MRAS: variants seen among roughly 807,000 people sequenced by gnomAD.
MRAS encodes the protein ras-related protein M-Ras.
In MRAS, 4 loss-of-function variants were observed where a neutral mutation model predicts 20.9. That is an observed-to-expected ratio of 0.19 (90% confidence interval 0.09 to 0.44). MRAS has a LOEUF of 0.44. Ranked by LOEUF, MRAS falls within the 20% of genes least tolerant of loss-of-function variation. The pLI is 0.99. For synonymous variants in MRAS, 98 were observed against 102.9 expected, an observed-to-expected ratio of 0.95 and a Z score of 0.29; for missense variants, 154 against 277.5, an observed-to-expected ratio of 0.56 and a Z score of 3.16.
At chr3:138,368,217 C>T (rs141229455) in intron 1 of MRAS, among the ~76,000 whole-genome samples, 220 of 152,228 alleles carry the variant, frequency 1.4e-3, no homozygotes, top group African/African-American at 4.9e-3. Context: ...GTTAACAGAG[C>T]AGAGATGGTG....
intron 1 of MRAS, among the ~76,000 whole-genome samples, chr3:138,351,341 G>C (rs1467039674): frequency 6.6e-6 from 1 of 152,236 alleles, no homozygotes; most frequent in African/African-American, 2.4e-5. Flanking sequence ...TAAGTGTCCA[G>C]AGGATGTGCA....
chr3:138,383,324 ATTG>A (rs1369292371), intron 2 of MRAS, among the ~76,000 whole-genome samples: 1 of 152,042 alleles, frequency 6.6e-6, no homozygotes, highest in Non-Finnish European at 1.5e-5. Flanking sequence ...GATATATATT[ATTG>A]TTGTTTTTAT....
intron 3 of MRAS, 62 bp from the exon 4 acceptor site, chr3:138,398,407 A>G (rs1576389430): frequency 7.0e-7 from 1 of 1,426,214 alleles, no homozygotes; most frequent in East Asian, 2.3e-5. Context: ...TGAATGTGCC[A>G]CCTTAACCAG....
intron 2 of MRAS, among the ~76,000 whole-genome samples, chr3:138,376,171 C>T (rs549102474): frequency 6.6e-6 from 1 of 152,204 alleles, no homozygotes; most frequent in Non-Finnish European, 1.5e-5. Context: ...AGCACCTTCC[C>T]ATCTTGGGAC....
chr3:138,381,548 C>T (rs1241813582), intron 2 of MRAS, among the ~76,000 whole-genome samples: 4 of 152,248 alleles, frequency 2.6e-5, no homozygotes, highest in Non-Finnish European at 4.4e-5. Context: ...CTCCCAGCCC[C>T]GCCCTCTGCC....
chr3:138,371,763 G>A lies in MRAS; in HGVS notation c.-18-1103G>A, dbSNP rs572795832. On this transcript the variant is annotated intron_variant, in intron 1 of 5. Coordinates refer to ENST00000423968, the MANE Select transcript of MRAS (RefSeq NM_001085049.3). ...CTACAACCTCCAAATTGTTCTTTAGGGGATCCCCCTAGCTGCACCTGTGTT... is the reference window on the plus strand; with the variant it reads ...CTACAACCTCCAAATTGTTCTTTAGAGGATCCCCCTAGCTGCACCTGTGTT... 4.2e-4 allele frequency among the ~76,000 whole-genome samples: 64 copies of A among 152,154 alleles called. 1 individual carries two copies. The highest frequency in any genetic ancestry group is 3.7e-3 in the Admixed American group (56 of 15,288).
chr3:138,388,458 G>A (rs2055062559), intron 2 of MRAS, among the ~76,000 whole-genome samples: 1 of 152,172 alleles, frequency 6.6e-6, no homozygotes, highest in Non-Finnish European at 1.5e-5. Context: ...TTGCACTTTG[G>A]GAGGCCAAGG....
chr3:138,395,034 CTTTTTTA>C (rs1012453626), intron 2 of MRAS, among the ~76,000 whole-genome samples: 17 of 152,002 alleles, frequency 1.1e-4, no homozygotes, highest in African/African-American at 4.1e-4. Flanking sequence ...CTTTTTCTTT[CTTTTTTA>C]TTTTTTATTT....
intron 1 of MRAS, among the ~76,000 whole-genome samples, chr3:138,360,225 G>A (rs923709335): frequency 1.3e-5 from 2 of 152,206 alleles, no homozygotes; most frequent in African/African-American, 4.8e-5. Context: ...GTTGAGATGG[G>A]GGGATCAGTC....
intron 1 of MRAS, 33 bp from the exon 2 acceptor site, chr3:138,372,833 C>G (rs894996701): frequency 3.5e-6 from 5 of 1,419,656 alleles, no homozygotes; most frequent in Admixed American, 2.9e-5. Context: ...TAAAAAAGCC[C>G]TCTGTCTCAT....
chr3:138,388,665 G>A (rs1420139386), intron 2 of MRAS, among the ~76,000 whole-genome samples: 2 of 152,006 alleles, frequency 1.3e-5, no homozygotes, highest in African/African-American at 4.8e-5. Context: ...CACTACTGTA[G>A]TCCAGCCTGG....
At chr3:138,382,404 A>T (rs77690929) in intron 2 of MRAS, among the ~76,000 whole-genome samples, 9 of 152,348 alleles carry the variant, frequency 5.9e-5, no homozygotes, top group Non-Finnish European at 1.2e-4. Flanking sequence ...GCCTTATTTC[A>T]TCCTTGTGAC....
intron 2 of MRAS, among the ~76,000 whole-genome samples, chr3:138,392,909 C>T (rs9864898): frequency 0.12 from 17,617 of 151,978 alleles, 1,164 homozygotes; most frequent in Non-Finnish European, 0.16. Flanking sequence ...TTATTTTTGC[C>T]TTTTGTTGGA....
chr3:138,399,609 A>G (rs1384908211), intron 4 of MRAS, among the ~76,000 whole-genome samples: 1 of 152,204 alleles, frequency 6.6e-6, no homozygotes, highest in Admixed American at 6.5e-5. Context: ...TTTCCAGCAT[A>G]TTATAATGAA....
At chr3:138,381,987 G>T (rs1381430867) in intron 2 of MRAS, among the ~76,000 whole-genome samples, 1 of 152,234 alleles carries the variant, frequency 6.6e-6, no homozygotes, top group Non-Finnish European at 1.5e-5. Flanking sequence ...CCTTAGGCCA[G>T]CTTCAGAGTG....
Position 138,397,423 on chromosome 3 carries a change from C to A in MRAS, c.293C>A (p.Ala98Asp), listed in dbSNP as rs2055261626. The A allele has an allele frequency of 6.2e-7, 1 of 1,614,158 alleles. No individual in the cohort carries two copies. Among genetic ancestry groups the A allele is most frequent in the South Asian group, 1.1e-5 (1 of 91,086 alleles). The change falls in exon 3 of 6, where the codon GCC becomes GAC. Residue 98 changes from alanine to aspartate, a missense_variant. Ala to Asp is a moderately radical substitution (Grantham distance 126). Coordinates refer to ENST00000423968, the MANE Select transcript of MRAS (RefSeq NM_001085049.3). ...ATCGTCTACTCCGTCACTGACAAGG[C>A]CAGCTTTGAGCACGTGGACCGCTTC... Reference protein sequence around the residue: ...FLIVYSVTDKASFEHVDRFHQ... With the variant: ...FLIVYSVTDKDSFEHVDRFHQ...
At chr3:138,384,741 A>C (rs2054975406) in intron 2 of MRAS, among the ~76,000 whole-genome samples, 1 of 152,148 alleles carries the variant, frequency 6.6e-6, no homozygotes, top group Non-Finnish European at 1.5e-5. Flanking sequence ...CTGCGGTTAG[A>C]GAAGGACCCA....
rs2055427212 is a variant in MRAS, at chr3:138,404,837, C to T, written c.*2568C>T. The T allele has an allele frequency of 6.6e-6, 1 of 152,176 alleles. No individual in the cohort carries two copies. Among genetic ancestry groups the T allele is most frequent in the Non-Finnish European group, 1.5e-5 (1 of 68,036 alleles). 9.4% of individuals were successfully genotyped at this position (152,176 alleles called of 1,614,324 possible). On this transcript the variant is annotated 3_prime_UTR_variant, in exon 6 of 6. Coordinates refer to ENST00000423968, the MANE Select transcript of MRAS (RefSeq NM_001085049.3). ...GGAAACCTGGTTGGCCACGCCACAC[C>T]ATGACCGAGGAGCCAACTGGGACTT... is the stretch of plus-strand genomic sequence containing the variant.
chr3:138,397,750 A>C (rs1401977845), intron 3 of MRAS, among the ~76,000 whole-genome samples: 2 of 152,214 alleles, frequency 1.3e-5, no homozygotes, highest in Non-Finnish European at 2.9e-5. Flanking sequence ...GACAGAAAAA[A>C]ATCTAGCTAA....
Sources: allele counts gnomAD v4.1 joint callset (sites outside exome capture counted in the v4.1 genomes callset), GRCh38; gene constraint gnomAD v4.1.1; transcripts MANE v1.5; gene names NCBI Gene and HGNC (gene_info 2026-07-23, HGNC 2026-07-21).